The following SIPA1L2 variants were observed in gnomAD, a reference collection of about 807,000 sequenced individuals.
The protein encoded by SIPA1L2 is signal-induced proliferation-associated 1-like protein 2.
A neutral mutation model predicts 163.9 loss-of-function variants in SIPA1L2; 56 were observed. That is an observed-to-expected ratio of 0.34 (90% confidence interval 0.28 to 0.43). SIPA1L2 has a LOEUF of 0.43. Ranked by LOEUF, SIPA1L2 falls within the 20% of genes least tolerant of loss-of-function variation. SIPA1L2 has a pLI of 1.00. For missense variants in SIPA1L2, 1,974 were observed against 2,193.5 expected, an observed-to-expected ratio of 0.90 and a Z score of 2.00; for synonymous variants, 877 against 865.7, an observed-to-expected ratio of 1.01 and a Z score of -0.23.
intron 1 of SIPA1L2, among the ~76,000 whole-genome samples, chr1:232,590,970 C>G (rs1436950531): frequency 6.6e-6 from 1 of 152,194 alleles, no homozygotes; most frequent in South Asian, 2.1e-4. Context: ...AGGGAATAAA[C>G]CTTGGTCAAG....
intron 6 of SIPA1L2, among the ~76,000 whole-genome samples, chr1:232,482,892 G>C (rs1665437028): frequency 6.6e-6 from 1 of 152,134 alleles, no homozygotes; most frequent in South Asian, 2.1e-4. Flanking sequence ...GGGAGTTGGG[G>C]CAAGAAGCTC....
At chr1:232,534,458 C>T (rs939932286) in intron 2 of SIPA1L2, among the ~76,000 whole-genome samples, 5 of 152,324 alleles carry the variant, frequency 3.3e-5, no homozygotes, top group Non-Finnish European at 2.9e-5. Context: ...ACTGGAAGAA[C>T]GCTTCACCAT....
intron 1 of SIPA1L2, among the ~76,000 whole-genome samples, chr1:232,603,575 G>C (rs1661725079): frequency 6.6e-6 from 1 of 152,160 alleles, no homozygotes; most frequent in Admixed American, 6.5e-5. Flanking sequence ...GGCAATACCA[G>C]GACCCACAGA....
intron 15 of SIPA1L2, among the ~76,000 whole-genome samples, chr1:232,434,843 A>C (rs1662458230): frequency 6.6e-6 from 1 of 151,518 alleles, no homozygotes; most frequent in Admixed American, 6.6e-5. Flanking sequence ...TGCAAGCCTA[A>C]AGACATCATC....
chr1:232,601,181 T>C (rs1483320597), intron 1 of SIPA1L2, among the ~76,000 whole-genome samples: 1 of 152,160 alleles, frequency 6.6e-6, no homozygotes, highest in East Asian at 1.9e-4. Context: ...GAAGACTGCC[T>C]CATCCTACAG....
chr1:232,466,556 C>T (rs982959754), intron 8 of SIPA1L2, among the ~76,000 whole-genome samples: 1 of 152,052 alleles, frequency 6.6e-6, no homozygotes, highest in Admixed American at 6.5e-5. Context: ...TTTGGGAGGT[C>T]GAAGCGGGTG....
At chr1:232,524,980 A>C (rs1479979222) in intron 2 of SIPA1L2, among the ~76,000 whole-genome samples, 1 of 152,122 alleles carries the variant, frequency 6.6e-6, no homozygotes, top group African/African-American at 2.4e-5. Flanking sequence ...TTTTTTTAAG[A>C]TCCTTCATAA....
intron 3 of SIPA1L2, among the ~76,000 whole-genome samples, chr1:232,504,826 G>C (rs1666647922): frequency 6.6e-6 from 1 of 152,174 alleles, no homozygotes; most frequent in Non-Finnish European, 1.5e-5. Flanking sequence ...AAACAACACT[G>C]AGGCAGAAAG....
intron 15 of SIPA1L2, among the ~76,000 whole-genome samples, chr1:232,433,690 T>C (rs1668901451): frequency 6.6e-6 from 1 of 152,192 alleles, no homozygotes; most frequent in African/African-American, 2.4e-5. Flanking sequence ...TTTCTTAAAT[T>C]AGAAAGATCA....
chr1:232,625,729 T>C (rs1298296020), intron 1 of SIPA1L2, among the ~76,000 whole-genome samples: 2 of 152,148 alleles, frequency 1.3e-5, no homozygotes, highest in Non-Finnish European at 2.9e-5. Context: ...ACCAAGGCAG[T>C]AGAATTTGAA....
At chr1:232,507,540 T>A (rs934522850) in intron 3 of SIPA1L2, among the ~76,000 whole-genome samples, 1 of 152,212 alleles carries the variant, frequency 6.6e-6, no homozygotes, top group Non-Finnish European at 1.5e-5. Context: ...TAAACTCTTA[T>A]AAAGATAAAT....
At chr1:232,527,008 C>T (rs974008283) in intron 2 of SIPA1L2, among the ~76,000 whole-genome samples, 3 of 152,190 alleles carry the variant, frequency 2.0e-5, no homozygotes, top group Non-Finnish European at 2.9e-5. Context: ...GAGTGTCAGT[C>T]CAACTACTCA....
At chr1:232,593,716 A>AACAC (rs34426144) in intron 1 of SIPA1L2, among the ~76,000 whole-genome samples, 131 of 151,850 alleles carry the variant, frequency 8.6e-4, no homozygotes, top group African/African-American at 2.9e-3. Context: ...AATTCTCAGT[A>AACAC]ACACACACGC....
chr1:232,552,011 T>C (rs1658419459), intron 2 of SIPA1L2, among the ~76,000 whole-genome samples: 1 of 152,016 alleles, frequency 6.6e-6, no homozygotes. Flanking sequence ...GGCTAATTTT[T>C]GTATTTTTAG....
rs1664446770 is a variant in SIPA1L2, at chr1:232,465,249, G to A, written c.2411C>T (p.Thr804Met). ...SEKFRAMATR[T>M]RQEYLKDLAE... is the part of the protein sequence containing the mutation. ...CAGATCTTTCAAGTACTCCTGCCTCGTTCGAGTGGCCATTGCTCGAAACTT... is the reference window on the plus strand; with the variant it reads ...CAGATCTTTCAAGTACTCCTGCCTCATTCGAGTGGCCATTGCTCGAAACTT... The change falls in exon 9 of 23, where the codon ACG (threonine) becomes ATG (methionine). Residue 804 changes from threonine (T) to methionine (M), a missense_variant. Around this residue, in one of 3 missense-constraint regions of SIPA1L2, gnomAD observed 288 missense variants for 418.9 expected, o/e 0.69. Transcript: ENST00000674635. This position sits in a 1 kb window ranked among gnomAD's most constrained non-coding sequence, Gnocchi z 4.1. 1.4e-5 allele frequency: 23 copies of A among 1,614,162 alleles called. No homozygotes were observed. Among genetic ancestry groups the A allele is most frequent in the East Asian group, 2.2e-5 (1 of 44,870 alleles).
At chr1:232,530,401 A>G (rs1667918051) in intron 2 of SIPA1L2, among the ~76,000 whole-genome samples, 1 of 152,174 alleles carries the variant, frequency 6.6e-6, no homozygotes, top group South Asian at 2.1e-4. Flanking sequence ...GGCGTGAGCC[A>G]CCGTGCTGGG....
intron 15 of SIPA1L2, among the ~76,000 whole-genome samples, chr1:232,438,048 C>T (rs552091946): frequency 6.6e-6 from 1 of 152,192 alleles, no homozygotes; most frequent in East Asian, 1.9e-4. Context: ...AACCAATCAG[C>T]ATGGAGTTTC....
intron 2 of SIPA1L2, among the ~76,000 whole-genome samples, chr1:232,519,136 A>T (rs1225482592): frequency 6.6e-6 from 1 of 152,186 alleles, no homozygotes; most frequent in Non-Finnish European, 1.5e-5. Context: ...CTCCACTCTG[A>T]AAAGACAGCT....
chr1:232,429,418 G>T (rs1002034201), intron 16 of SIPA1L2, among the ~76,000 whole-genome samples: 17 of 152,126 alleles, frequency 1.1e-4, no homozygotes, highest in Non-Finnish European at 7.3e-5. Context: ...CAAAAGCCAG[G>T]CTATCTTATA....
Sources: gnomAD v4.1 joint callset for allele counts (sites outside exome capture counted in the v4.1 genomes callset) on GRCh38, gnomAD v4.1.1 for gene constraint, gnomAD v4.1.1 regional missense constraint, Gnocchi (gnomAD v3.1) non-coding constraint, MANE v1.5 for transcripts, NCBI Gene and HGNC (gene_info 2026-07-23, HGNC 2026-07-21) for gene names.